PPP1R37: variants seen among roughly 807,000 people sequenced by gnomAD.
PPP1R37 encodes protein phosphatase 1 regulatory subunit 37.
Under a neutral mutation model 61.0 loss-of-function variants are expected in PPP1R37, and 21 were observed. The observed-to-expected ratio is 0.34, with a 90% CI of 0.24 to 0.50. The LOEUF (loss-of-function observed/expected upper bound fraction) is 0.50. Among genes scored for constraint, PPP1R37 ranks in the 20% least tolerant of loss-of-function variants. The pLI is 0.98. For missense variants in PPP1R37, 910 were observed against 952.7 expected (o/e 0.96, Z 0.59); for synonymous variants, 443 against 433.5 (o/e 1.02, Z -0.27).
At position 45,144,775 on chromosome 19, in the gene PPP1R37, G is replaced by A. The variant is rs550969364; in HGVS notation, c.988-79G>A. 1.2e-4 allele frequency: 158 copies of A among 1,281,116 alleles called. 3 individuals carry two copies. In the South Asian group the frequency reaches 2.0e-3, roughly 16 times the overall value. The allele number at this position is 1,281,116 out of a possible 1,614,324, so 79.4% of individuals were successfully genotyped here. A position where few individuals can be genotyped will look rare whatever the true frequency, so the allele number is the denominator to read the frequency against. On this transcript the variant is annotated intron_variant, in intron 8 of 12. Coordinates refer to ENST00000221462, the MANE Select transcript of PPP1R37 (RefSeq NM_019121.2). ...AGCGCCCGGGCCTGGCTCTCTTCCC[G>A]GCTTCTTTCCTGACTTGGCCTCCTG... is the stretch of plus-strand genomic sequence containing the variant.
At chr19:45,116,513 C>CA (rs1968269326) in intron 1 of PPP1R37, among the ~76,000 whole-genome samples, 1 of 152,230 alleles carries the variant, frequency 6.6e-6, no homozygotes, top group Admixed American at 6.5e-5. Context: ...CTGCAGGACT[C>CA]ACGGCCTCTC....
rs2122750689 is a variant in PPP1R37, at chr19:45,138,534, G to A, written c.223G>A (p.Glu75Lys). Reference sequence around the variant, plus strand: ...TGCAGCCCAGAATGTGACCGTGGACGAGGTCATCGGCGCCTACAAGCAGGC... The same window carrying A: ...TGCAGCCCAGAATGTGACCGTGGACAAGGTCATCGGCGCCTACAAGCAGGC... ...WRHAQNVTVDEVIGAYKQACQ... is the reference protein window; with the variant it reads ...WRHAQNVTVDKVIGAYKQACQ... Residue 75 changes from glutamate to lysine, a missense_variant, in exon 2 of 13, where the codon GAG becomes AAG. Around this residue, in one of 3 missense-constraint regions of PPP1R37, gnomAD observed 280 missense variants for 382.2 expected, o/e 0.73. Coordinates refer to ENST00000221462, the MANE Select transcript of PPP1R37 (RefSeq NM_019121.2). 4.6e-6 allele frequency: 7 copies of A among 1,535,632 alleles called. No individual in the cohort carries two copies. Among genetic ancestry groups the A allele is most frequent in the African/African-American group, 1.4e-5 (1 of 73,116 alleles).
At chr19:45,128,756 C>A (rs1316273472) in intron 1 of PPP1R37, 1 of 690,226 alleles carries the variant, frequency 1.4e-6, no homozygotes, top group Non-Finnish European at 2.5e-6. Flanking sequence ...GTATTGACAT[C>A]TTTACTGGGA....
intron 1 of PPP1R37, among the ~76,000 whole-genome samples, chr19:45,106,177 G>T (rs889034637): frequency 6.6e-5 from 10 of 152,332 alleles, no homozygotes; most frequent in Middle Eastern, 3.4e-3. Flanking sequence ...ACCCAAGGAT[G>T]CCCTGGCACT....
At chr19:45,114,208 A>G (rs1004303926) in intron 1 of PPP1R37, among the ~76,000 whole-genome samples, 1 of 152,252 alleles carries the variant, frequency 6.6e-6, no homozygotes, top group Admixed American at 6.5e-5. Flanking sequence ...TTGAGTTATC[A>G]GGGCCAGAAT....
At chr19:45,135,258 A>C (rs1968524730) in intron 1 of PPP1R37, among the ~76,000 whole-genome samples, 1 of 151,962 alleles carries the variant, frequency 6.6e-6, no homozygotes, top group Non-Finnish European at 1.5e-5. Context: ...AAAAAAAAAG[A>C]AGAGGTGCCA....
At chr19:45,124,315 G>C (rs1968374993) in intron 1 of PPP1R37, among the ~76,000 whole-genome samples, 1 of 152,202 alleles carries the variant, frequency 6.6e-6, no homozygotes, top group African/African-American at 2.4e-5. Context: ...TGAGGTGCTG[G>C]GAAGCACCGG....
intron 3 of PPP1R37, 34 bp downstream of exon 3, chr19:45,140,315 G>T: frequency 6.5e-7 from 1 of 1,529,102 alleles, no homozygotes; most frequent in Non-Finnish European, 8.8e-7. Flanking sequence ...GAGCCCTTGG[G>T]TCATGGGCAG....
At chr19:45,102,366 C>T (rs1398134695) in intron 1 of PPP1R37, among the ~76,000 whole-genome samples, 1 of 152,252 alleles carries the variant, frequency 6.6e-6, no homozygotes, top group East Asian at 1.9e-4. Flanking sequence ...CACGGGAGCC[C>T]CCTGGGTGCC....
Position 45,142,202 on chromosome 19 carries a change from A to G in PPP1R37, c.709A>G (p.Met237Val). The change falls in exon 6 of 13, where the codon ATG becomes GTG. Residue 237 changes from methionine to valine, a missense_variant. By Grantham distance (21) the Met-to-Val change is conservative (BLOSUM62 1). Coordinates refer to ENST00000221462, the MANE Select transcript of PPP1R37 (RefSeq NM_019121.2). ...CGCCAGCCTGTCGGGGCGGCCCCTCATGCTGCTCGGTGAGCCCCAAGCCCG... is the reference window on the plus strand; with the variant it reads ...CGCCAGCCTGTCGGGGCGGCCCCTCGTGCTGCTCGGTGAGCCCCAAGCCCG... The part of the protein sequence containing the change: ...ENASLSGRPL[M>V]LLATALKMNM... 6.5e-7 allele frequency: 1 copy of G among 1,534,262 alleles called. No homozygotes were observed.
Position 45,145,737 on chromosome 19 carries a change from A to G in PPP1R37, c.1681A>G (p.Ser561Gly), listed in dbSNP as rs769847514. 200 of 1,530,898 alleles carry G rather than the reference A, an allele frequency of 1.3e-4. No individual in the cohort carries two copies. The highest frequency in any genetic ancestry group is 1.6e-4 in the Non-Finnish European group (187 of 1,144,574). 94.8% of individuals were successfully genotyped at this position (1,530,898 alleles called of 1,614,324 possible). ...CACCGAGCAGCGGATTTCCGTGTCC[A>G]GCCCGGGCCGGGGCCACAAGGTGTT... is the stretch of plus-strand genomic sequence containing the variant. ...TPTEQRISVS[S>G]PGRGHKVFVV... The change falls in exon 11 of 13, where the codon AGC becomes GGC. Residue 561 changes from serine to glycine, a missense_variant. Physicochemically the swap from Ser to Gly is moderately conservative, Grantham distance 56 (BLOSUM62 0). Around this residue, in one of 3 missense-constraint regions of PPP1R37, gnomAD observed 549 missense variants for 505.1 expected, o/e 1.09. Transcript: ENST00000221462.
chr19:45,094,590 A>G (rs1982077), intron 1 of PPP1R37, among the ~76,000 whole-genome samples: 25,054 of 152,106 alleles, frequency 0.16, 2,328 homozygotes, highest in African/African-American at 0.21. Context: ...GGCCGGGCAT[A>G]GTGGTGCACA....
At chr19:45,095,685 C>T (rs1263875107) in intron 1 of PPP1R37, among the ~76,000 whole-genome samples, 1 of 151,092 alleles carries the variant, frequency 6.6e-6, no homozygotes, top group Non-Finnish European at 1.5e-5. Flanking sequence ...ATCATTTGAG[C>T]CCAGGAGGTC....
chr19:45,109,755 C>T (rs1343174845), intron 1 of PPP1R37, among the ~76,000 whole-genome samples: 6 of 152,200 alleles, frequency 3.9e-5, no homozygotes, highest in African/African-American at 1.4e-4. Flanking sequence ...GTCATCAGCA[C>T]CCTCTGTATG....
In PPP1R37 at chr19:45,145,742, G is replaced by C. The variant is rs555518641; in HGVS notation, c.1686G>C (p.Pro562=). Residue 562 remains proline, a synonymous_variant, in exon 11 of 13, where the codon CCG becomes CCC. Transcript: ENST00000221462. ...AGCAGCGGATTTCCGTGTCCAGCCC[G>C]GGCCGGGGCCACAAGGTGTTTGTGG... The part of the protein sequence containing the change: ...PTEQRISVSS[P]GRGHKVFVVT... 1.6e-5 allele frequency: 24 copies of C among 1,529,336 alleles called. No homozygotes were observed. The East Asian group carries it at 3.7e-4, about 23-fold the overall frequency. The allele number at this position is 1,529,336 out of a possible 1,614,324, so 94.7% of individuals were successfully genotyped here. A position where few individuals can be genotyped will look rare whatever the true frequency, so the allele number is the denominator to read the frequency against.
chr19:45,134,971 T>C (rs1031622724), intron 1 of PPP1R37, among the ~76,000 whole-genome samples: 1 of 152,086 alleles, frequency 6.6e-6, no homozygotes, highest in Non-Finnish European at 1.5e-5. Context: ...CCATCTTGGC[T>C]GGGCACGGTG....
chr19:45,101,831 C>G (rs575103087), intron 1 of PPP1R37, among the ~76,000 whole-genome samples: 5 of 152,330 alleles, frequency 3.3e-5, no homozygotes, highest in African/African-American at 7.2e-5. Context: ...GCCAGGAGCC[C>G]GGAGGCTGTA....
intron 2 of PPP1R37, among the ~76,000 whole-genome samples, chr19:45,139,900 C>T (rs1307109649): frequency 1.3e-5 from 2 of 152,270 alleles, no homozygotes; most frequent in Non-Finnish European, 2.9e-5. Context: ...TTTCCTGCCT[C>T]ACAGCCTTTG....
chr19:45,110,367 T>G (rs1968185290), intron 1 of PPP1R37, among the ~76,000 whole-genome samples: 1 of 152,096 alleles, frequency 6.6e-6, no homozygotes, highest in Non-Finnish European at 1.5e-5. Context: ...CCTCCTGCCT[T>G]GGCCTCCGAG....
Sources: gnomAD v4.1 joint callset for allele counts (sites outside exome capture counted in the v4.1 genomes callset) on GRCh38, gnomAD v4.1.1 for gene constraint, gnomAD v4.1.1 regional missense constraint, MANE v1.5 for transcripts, NCBI Gene and HGNC (gene_info 2026-07-23, HGNC 2026-07-21) for gene names.